Variants in CFAP61 observed in about 807,000 individuals in gnomAD.
The protein encoded by CFAP61 is cilia and flagella associated protein 61.
Under a neutral mutation model 135.6 loss-of-function variants are expected in CFAP61, and 107 were observed. The ratio of observed to expected loss-of-function variants is 0.79; its 90% CI spans 0.67 to 0.93. The LOEUF is 0.93. Among genes scored for constraint, CFAP61 ranks in the 40% least tolerant of loss-of-function variants. CFAP61 has a pLI of 0.00. For missense variants in CFAP61, 1,507 were observed against 1,556.2 expected, an observed-to-expected ratio of 0.97 and a Z score of 0.53; for synonymous variants, 575 against 578.5, an observed-to-expected ratio of 0.99 and a Z score of 0.09.
chr20:20,202,488 G>A (rs1720314973), intron 17 of CFAP61, among the ~76,000 whole-genome samples: 2 of 152,154 alleles, frequency 1.3e-5, no homozygotes, highest in African/African-American at 2.4e-5. Flanking sequence ...CCCATGGAAT[G>A]GGCCTCGGTA....
chr20:20,183,259 T>TC (rs1301064907), intron 13 of CFAP61, among the ~76,000 whole-genome samples: 13 of 152,154 alleles, frequency 8.5e-5, no homozygotes, highest in African/African-American at 3.1e-4. Context: ...GGTTCTGGGT[T>TC]CAAGTGATTC....
At chr20:20,236,311 C>T (rs1340197468) in intron 18 of CFAP61, among the ~76,000 whole-genome samples, 1 of 152,144 alleles carries the variant, frequency 6.6e-6, no homozygotes, top group Non-Finnish European at 1.5e-5. Flanking sequence ...ATAGAATCCC[C>T]AGGTAATTCC....
rs544582593 is a variant in CFAP61 at position 20,360,596 on chromosome 20, C to T, written c.*186C>T. ...TATCATCCCAGTAGGTGGCACACGG[C>T]CGTGTGCCTCTCTTCTGGGGCAGGC... On this transcript the variant is annotated 3_prime_UTR_variant, in exon 27 of 27. Coordinates refer to ENST00000245957, the MANE Select transcript of CFAP61 (RefSeq NM_015585.4). The T allele has an allele frequency of 1.4e-4, 83 of 597,946 alleles. No individual in the cohort carries two copies. In the African/African-American group the frequency reaches 1.5e-3, roughly 11 times the overall value. The allele number at this position is 597,946 out of a possible 1,614,324, so 37.0% of individuals were successfully genotyped here.
At chr20:20,203,041 A>T (rs1006226719) in intron 17 of CFAP61, among the ~76,000 whole-genome samples, 1 of 152,128 alleles carries the variant, frequency 6.6e-6, no homozygotes, top group Non-Finnish European at 1.5e-5. Context: ...TCATCACTGC[A>T]TGGCAGGGAA....
chr20:20,082,654 A>G (rs185968392), intron 6 of CFAP61, among the ~76,000 whole-genome samples: 2 of 152,348 alleles, frequency 1.3e-5, no homozygotes, highest in East Asian at 1.9e-4. Context: ...ATGTTGTGAA[A>G]TAACTGGTTT....
chr20:20,331,317 A>C (rs1286754537), intron 25 of CFAP61, among the ~76,000 whole-genome samples: 1 of 152,050 alleles, frequency 6.6e-6, no homozygotes, highest in Non-Finnish European at 1.5e-5. Context: ...GGAATATGTT[A>C]GTTAAATTTT....
rs1288891080 is a variant in CFAP61 at position 20,277,371 on chromosome 20, G to C, written c.2709G>C (p.Leu903=). The stretch of plus-strand genomic sequence containing the variant: ...TCACTATGTACCGGGATGCGATCCT[G>C]GCCCAGTGGAATGACGGCCTGCACC... ...AGVTMYRDAI[L]AQWNDGLHPD... The change falls in exon 22 of 27, where the codon CTG becomes CTC. Residue 903 remains leucine, a synonymous_variant. Coordinates refer to ENST00000245957, the MANE Select transcript of CFAP61 (RefSeq NM_015585.4). 9.9e-6 allele frequency: 16 copies of C among 1,614,016 alleles called. No individual in the cohort carries two copies. The highest frequency in any genetic ancestry group is 1.4e-5 in the Non-Finnish European group (16 of 1,180,020).
intron 13 of CFAP61, chr20:20,172,434 A>C: frequency 4.2e-6 from 1 of 238,060 alleles, no homozygotes; most frequent in Non-Finnish European, 6.8e-6. Context: ...CTCCCATCTC[A>C]GCCTCCCAAG....
intron 23 of CFAP61, 43 bp from the exon 24 acceptor site, chr20:20,290,257 A>G: frequency 8.0e-7 from 1 of 1,250,840 alleles, no homozygotes; most frequent in Non-Finnish European, 1.2e-6. Flanking sequence ...TACTCACCTC[A>G]TTAACAATTA....
chr20:20,059,593 G>A (rs1325853321), intron 2 of CFAP61, among the ~76,000 whole-genome samples: 1 of 151,790 alleles, frequency 6.6e-6, no homozygotes, highest in East Asian at 1.9e-4. Flanking sequence ...GCTCCAGCCT[G>A]GGTGACACAG....
chr20:20,355,251 A>C (rs2059046857), intron 26 of CFAP61, among the ~76,000 whole-genome samples: 1 of 137,764 alleles, frequency 7.3e-6, no homozygotes, highest in African/African-American at 2.8e-5. Context: ...TCACACTGTG[A>C]GAGGAGGTGG....
At chr20:20,180,931 C>T (rs903493090) in intron 13 of CFAP61, among the ~76,000 whole-genome samples, 1 of 151,956 alleles carries the variant, frequency 6.6e-6, no homozygotes, top group Non-Finnish European at 1.5e-5. Flanking sequence ...CACACATTCT[C>T]ACTTATAGGT....
Position 20,057,001 on chromosome 20 carries a change from C to T in CFAP61, c.143+205C>T, listed in dbSNP as rs990494609. On this transcript the variant is annotated intron_variant, in intron 2 of 26. Coordinates refer to ENST00000245957, the MANE Select transcript of CFAP61 (RefSeq NM_015585.4). ...GGCGTGGTGGCGCATGCCTGTAATC[C>T]CAGCTGCTCGGGAGGCTGAGGCATG... 2.6e-5 allele frequency among the ~76,000 whole-genome samples: 4 copies of T among 151,918 alleles called. No individual in the cohort carries two copies. In the East Asian group the frequency reaches 7.7e-4, roughly 29 times the overall value.
chr20:20,075,312 C>T, intron 5 of CFAP61, 56 bp downstream of exon 5: 1 of 1,568,992 alleles, frequency 6.4e-7, no homozygotes, highest in Non-Finnish European at 8.8e-7. Flanking sequence ...AAATTCACTC[C>T]CAGAATGGTG....
At chr20:20,138,883 T>C (rs1170220788) in intron 8 of CFAP61, among the ~76,000 whole-genome samples, 1 of 152,254 alleles carries the variant, frequency 6.6e-6, no homozygotes, top group Non-Finnish European at 1.5e-5. Flanking sequence ...TGTCTGTGTC[T>C]ATTTCTGGCC....
intron 8 of CFAP61, among the ~76,000 whole-genome samples, chr20:20,128,720 T>G (rs1418194397): frequency 6.6e-6 from 1 of 151,766 alleles, no homozygotes; most frequent in East Asian, 1.9e-4. Context: ...GCCATGATGA[T>G]CCAAACTATT....
chr20:20,079,124 C>T (rs1375736263), intron 6 of CFAP61, among the ~76,000 whole-genome samples: 1 of 152,210 alleles, frequency 6.6e-6, no homozygotes, highest in Non-Finnish European at 1.5e-5. Flanking sequence ...AGGGGGCCCT[C>T]CTGCCCAGAC....
intron 6 of CFAP61, among the ~76,000 whole-genome samples, chr20:20,089,574 A>G (rs1217386749): frequency 7.5e-6 from 1 of 133,166 alleles, no homozygotes; most frequent in Non-Finnish European, 1.6e-5. Flanking sequence ...ATTTTTACAG[A>G]AAGAGTATCA....
intron 9 of CFAP61, among the ~76,000 whole-genome samples, chr20:20,147,825 A>C (rs2052028249): frequency 6.6e-6 from 1 of 152,100 alleles, no homozygotes; most frequent in Non-Finnish European, 1.5e-5. Flanking sequence ...TTCTTTGCCT[A>C]AGCAAATGTC....
Sources: gnomAD v4.1 joint callset for allele counts (sites outside exome capture counted in the v4.1 genomes callset) on GRCh38, gnomAD v4.1.1 for gene constraint, MANE v1.5 for transcripts, NCBI Gene and HGNC (gene_info 2026-07-23, HGNC 2026-07-21) for gene names.